NLGN4X: variants seen among roughly 807,000 people sequenced by gnomAD.
The protein encoded by NLGN4X is neuroligin-4, X-linked.
A neutral mutation model predicts 40.3 loss-of-function variants in NLGN4X; 3 were observed. The observed-to-expected ratio is 0.07, with a 90% CI of 0.03 to 0.19. NLGN4X has a LOEUF of 0.19. Ranked by LOEUF, NLGN4X falls within the 10% of genes least tolerant of loss-of-function variation. The probability of loss-of-function intolerance (pLI) is 1.00; values close to 1 mark genes in which losing one functional copy is unlikely to be tolerated. For missense variants in NLGN4X, 382 were observed against 708.3 expected, an observed-to-expected ratio of 0.54 and a Z score of 5.23; for synonymous variants, 270 against 306.8, an observed-to-expected ratio of 0.88 and a Z score of 1.25.
intron 2 of NLGN4X, among the ~76,000 whole-genome samples, chrX:6,116,760 C>CCTCA (rs1221347597): frequency 9.0e-6 from 1 of 110,571 alleles, no homozygotes; most frequent in Non-Finnish European, 1.9e-5. Flanking sequence ...GAACTCCTGA[C>CCTCA]CTCAAGTGAT....
At chrX:6,067,730 CTGCT>C (rs2037958265) in intron 2 of NLGN4X, among the ~76,000 whole-genome samples, 1 of 111,036 alleles carries the variant, frequency 9.0e-6, no homozygotes, top group South Asian at 3.8e-4. Context: ...TATTACCATT[CTGCT>C]TGCAAACACT....
intron 2 of NLGN4X, among the ~76,000 whole-genome samples, chrX:6,149,629 C>T (rs2040123131): frequency 9.0e-6 from 1 of 111,610 alleles, no homozygotes. Flanking sequence ...CCTTGAATCA[C>T]ATTCAGACCT....
At chrX:6,027,801 T>C (rs1189309209) in intron 3 of NLGN4X, among the ~76,000 whole-genome samples, 2 of 105,877 alleles carry the variant, frequency 1.9e-5, no homozygotes, top group Non-Finnish European at 3.9e-5. Context: ...TTTTAATTAA[T>C]TTATTACTAG....
chrX:6,216,937 GCAC>G (rs1314168259), intron 1 of NLGN4X, among the ~76,000 whole-genome samples: 2 of 111,670 alleles, frequency 1.8e-5, no homozygotes, highest in African/African-American at 6.5e-5. Flanking sequence ...CTACAGACAT[GCAC>G]CACCACACCT....
chrX:6,025,904 CAA>C (rs10712022), intron 3 of NLGN4X, among the ~76,000 whole-genome samples: 28,265 of 80,000 alleles, frequency 0.35, 4,275 homozygotes, highest in East Asian at 0.62. Flanking sequence ...GACTCCATCT[CAA>C]AAAAAAAAAA....
intron 3 of NLGN4X, among the ~76,000 whole-genome samples, chrX:5,960,760 T>C (rs1455182759): frequency 9.0e-6 from 1 of 111,533 alleles, no homozygotes; most frequent in Non-Finnish European, 1.9e-5. Context: ...TGGATAGTCA[T>C]GTATTTTTTC....
chrX:6,122,216 C>T (rs529131414), intron 2 of NLGN4X, among the ~76,000 whole-genome samples: 10 of 111,355 alleles, frequency 9.0e-5, no homozygotes, highest in Middle Eastern at 4.7e-3. Flanking sequence ...GGCATGAAAT[C>T]GAGAGGTGGG....
intron 2 of NLGN4X, among the ~76,000 whole-genome samples, chrX:6,032,238 C>CA (rs1292272403): frequency 6.0e-4 from 29 of 48,200 alleles, no homozygotes; most frequent in African/African-American, 2.2e-3. Flanking sequence ...CCCCCCCCCC[C>CA]AAAAAAAATT....
At chrX:6,171,901 C>A (rs962775860) in intron 1 of NLGN4X, among the ~76,000 whole-genome samples, 1 of 110,907 alleles carries the variant, frequency 9.0e-6, no homozygotes, top group Non-Finnish European at 1.9e-5. Flanking sequence ...TGTACACACC[C>A]CTTGGTACTG....
chrX:6,083,990 C>A (rs898784375), intron 2 of NLGN4X, among the ~76,000 whole-genome samples: 1 of 111,776 alleles, frequency 8.9e-6, no homozygotes, highest in African/African-American at 3.3e-5. Flanking sequence ...CCTAGACATA[C>A]AATATACAGA....
intron 3 of NLGN4X, among the ~76,000 whole-genome samples, chrX:5,947,282 C>T (rs1276203250): frequency 8.9e-6 from 1 of 111,871 alleles, no homozygotes; most frequent in Non-Finnish European, 1.9e-5. Flanking sequence ...AATGGCTGAA[C>T]CAATTTACAC....
chrX:6,132,773 C>T (rs1366735103), intron 2 of NLGN4X, among the ~76,000 whole-genome samples: 4 of 111,431 alleles, frequency 3.6e-5, no homozygotes, highest in South Asian at 3.8e-4. Flanking sequence ...AGCATCATTG[C>T]TCCCTGTAGG....
Position 6,151,142 on chromosome X carries a change from C to A in NLGN4X, c.325G>T (p.Val109Leu). 1 of 1,211,612 alleles carries A rather than the reference C, an allele frequency of 8.3e-7. No individual in the cohort carries two copies. The highest frequency in any genetic ancestry group is 1.1e-6 in the Non-Finnish European group (1 of 895,419). Residue 109 changes from valine (V) to leucine (L), a missense_variant, in exon 2 of 6, where the codon GTG becomes TTG. Transcript: ENST00000381095. Reference protein sequence around the residue: ...GIRNTTQFAAVCPQHLDERSL... With the variant: ...GIRNTTQFAALCPQHLDERSL... The stretch of plus-strand genomic sequence containing the variant: ...CTCTCATCCAGGTGCTGGGGGCACA[C>A]AGCAGCAAACTGAGTAGTATTTCGG...
chrX:5,927,912 A>C (rs1471377490), intron 3 of NLGN4X, among the ~76,000 whole-genome samples: 1 of 112,532 alleles, frequency 8.9e-6, no homozygotes, highest in African/African-American at 3.2e-5. Context: ...AGGTTAAAAC[A>C]CTTGAATTCA....
chrX:6,032,860 A>G (rs919900230), intron 2 of NLGN4X: 1 of 423,867 alleles, frequency 2.4e-6, no homozygotes, highest in Non-Finnish European at 3.7e-6. Context: ...AGAAAAAAAG[A>G]AAAGAATGTA....
chrX:5,928,249 A>G (rs1230895761), intron 3 of NLGN4X, among the ~76,000 whole-genome samples: 1 of 112,603 alleles, frequency 8.9e-6, no homozygotes, highest in Non-Finnish European at 1.9e-5. Context: ...CCATACACAC[A>G]AGCTTTGTTC....
At chrX:5,902,563 C>G (rs946498044) in intron 5 of NLGN4X, among the ~76,000 whole-genome samples, 1 of 111,473 alleles carries the variant, frequency 9.0e-6, no homozygotes, top group Non-Finnish European at 1.9e-5. Flanking sequence ...GTGGCAGGCA[C>G]CTGTAGTCCC....
chrX:6,227,523 C>G, intron 1 of NLGN4X, among the ~76,000 whole-genome samples: 1 of 110,147 alleles, frequency 9.1e-6, no homozygotes, highest in Non-Finnish European at 1.9e-5. Flanking sequence ...CCGCGCCCCC[C>G]TCAAAGGTTC....
At chrX:5,896,070 T>C (rs2031471801) in intron 5 of NLGN4X, among the ~76,000 whole-genome samples, 3 of 111,924 alleles carry the variant, frequency 2.7e-5, no homozygotes. Flanking sequence ...TTTTTTTCCA[T>C]GGATCCAATT....
Sources: gnomAD v4.1 joint callset for allele counts (sites outside exome capture counted in the v4.1 genomes callset) on GRCh38, gnomAD v4.1.1 for gene constraint, MANE v1.5 for transcripts, NCBI Gene and HGNC (gene_info 2026-07-23, HGNC 2026-07-21) for gene names.